Variants in PDLIM7 observed in about 807,000 individuals in gnomAD.
PDLIM7 encodes the protein PDZ and LIM domain 7.
PDLIM7 carries 37 observed loss-of-function variants against 53.9 expected under a neutral mutation model. The ratio of observed to expected loss-of-function variants is 0.69; its 90% CI spans 0.53 to 0.90. The LOEUF is 0.90. Ranked by LOEUF, PDLIM7 falls within the 40% of genes least tolerant of loss-of-function variation. The probability of loss-of-function intolerance (pLI) is 0.00; values close to 1 mark genes in which losing one functional copy is unlikely to be tolerated. For missense variants in PDLIM7, 617 were observed against 638.5 expected, an observed-to-expected ratio of 0.97 and a Z score of 0.36; for synonymous variants, 300 against 261.3, an observed-to-expected ratio of 1.15 and a Z score of -1.43.
intron 9 of PDLIM7, among the ~76,000 whole-genome samples, chr5:177,488,542 C>A (rs1417962778): frequency 2.6e-5 from 4 of 152,220 alleles, no homozygotes; most frequent in African/African-American, 9.6e-5. Flanking sequence ...CGCCCCTGGG[C>A]AAACCCTGGA....
At chr5:177,491,298 G>A in intron 5 of PDLIM7, 152 bp from the exon 6 acceptor site, 5 of 1,454,364 alleles carry the variant, frequency 3.4e-6, no homozygotes, top group East Asian at 2.4e-5. Context: ...GTAGGTGAGA[G>A]GACAGGAGGG....
chr5:177,492,391 G>A lies in PDLIM7; in HGVS notation c.279+14C>T, dbSNP rs200315441. On this transcript the variant is annotated intron_variant, in intron 4 of 12. Transcript: ENST00000355841. ...ACACCGCCCACCGCCCGGATGTCCC[G>A]GCCAGCCTCGTACCTTCTGCGGTTT... is the stretch of plus-strand genomic sequence containing the variant. The A allele has an allele frequency of 1.9e-4, 314 of 1,612,740 alleles. 1 individual carries two copies. The African/African-American group carries it at 2.5e-3, about 13-fold the overall frequency.
chr5:177,491,418 C>T (rs374363277), intron 5 of PDLIM7: 11 of 1,550,934 alleles, frequency 7.1e-6, no homozygotes, highest in Non-Finnish European at 8.7e-6. Flanking sequence ...CAGGGGTCTG[C>T]ACCTGTGAAG....
rs758392810 is a variant in PDLIM7 at position 177,491,869 on chromosome 5, G to C, written c.336C>G (p.Leu112=). 7.8e-7 allele frequency: 1 copy of C among 1,274,964 alleles called. No individual in the cohort carries two copies. Among genetic ancestry groups the C allele is most frequent in the Admixed American group, 4.2e-5 (1 of 23,962 alleles). 79.0% of individuals were successfully genotyped at this position (1,274,964 alleles called of 1,614,324 possible). The change falls in exon 5 of 13, where the codon CTC becomes CTG. Residue 112 remains leucine (L), a synonymous_variant. Transcript: ENST00000355841. ...PRYTFAPSVS[L]NKTARPFGAP... ...CCCCAAAGGGCCGGGCCGTCTTGTT[G>C]AGGGAGACGCTGGGTGCAAAGGTGT... is the stretch of plus-strand genomic sequence containing the variant.
At chr5:177,491,191 G>T in intron 5 of PDLIM7, 45 bp from the exon 6 acceptor site, 2 of 1,552,766 alleles carry the variant, frequency 1.3e-6, no homozygotes, top group Non-Finnish European at 1.8e-6. Flanking sequence ...GGGGTGGGCG[G>T]TGGGGGCAGC....
intron 2 of PDLIM7, among the ~76,000 whole-genome samples, chr5:177,495,593 C>T (rs971063330): frequency 2.0e-5 from 3 of 152,240 alleles, no homozygotes; most frequent in African/African-American, 4.8e-5. Context: ...CTGAGAGGCC[C>T]ACCAGTGGGG....
chr5:177,485,963 G>A (rs974696290), intron 10 of PDLIM7, among the ~76,000 whole-genome samples: 2 of 152,160 alleles, frequency 1.3e-5, no homozygotes, highest in African/African-American at 2.4e-5. Context: ...TCCAGCCTGG[G>A]CAACAGAGCA....
At chr5:177,487,099 A>ATT (rs774827559) in intron 10 of PDLIM7, among the ~76,000 whole-genome samples, 1 of 151,236 alleles carries the variant, frequency 6.6e-6, no homozygotes, top group African/African-American at 2.4e-5. Context: ...CACCCAGCTA[A>ATT]TTTTTTTATT....
chr5:177,490,609 AGAGG>A, intron 7 of PDLIM7: 2 of 1,436,150 alleles, frequency 1.4e-6, no homozygotes, highest in Non-Finnish European at 1.9e-6. Flanking sequence ...GGGCAGAGAG[AGAGG>A]GAGGAAGAAG....
rs1234546444 is a variant in PDLIM7, at chr5:177,483,480, T to G, written c.*164A>C. Reference sequence around the variant, plus strand: ...CGGTGTGCTGTGGTGGTGGAGGGAGTGGGGTGGGAGGATAAGGTGGGTGGG... The same window carrying G: ...CGGTGTGCTGTGGTGGTGGAGGGAGGGGGGTGGGAGGATAAGGTGGGTGGG... On this transcript the variant is annotated 3_prime_UTR_variant, in exon 13 of 13. Transcript: ENST00000355841. 85 of 494,420 alleles carry G rather than the reference T, an allele frequency of 1.7e-4. No individual in the cohort carries two copies. The highest frequency in any genetic ancestry group is 6.5e-4 in the African/African-American group (21 of 32,164). The allele number at this position is 494,420 out of a possible 1,614,324, so 30.6% of individuals were successfully genotyped here. A position where few individuals can be genotyped will look rare whatever the true frequency, so the allele number is the denominator to read the frequency against.
chr5:177,487,374 T>C (rs1561700147), intron 10 of PDLIM7, among the ~76,000 whole-genome samples: 1 of 152,150 alleles, frequency 6.6e-6, no homozygotes, highest in Non-Finnish European at 1.5e-5. Flanking sequence ...AAAGCAGAGG[T>C]TCAGGTGGCA....
At chr5:177,492,272 C>T (rs1581761835) in intron 4 of PDLIM7, 133 bp downstream of exon 4, 2 of 1,183,900 alleles carry the variant, frequency 1.7e-6, no homozygotes, top group African/African-American at 1.5e-5. Context: ...GCCCTAGACC[C>T]GCCTTAGCTC....
At position 177,483,745 on chromosome 5, in the gene PDLIM7, G is replaced by A; in HGVS notation, c.1288-15C>T. On this transcript the variant is annotated splice_polypyrimidine_tract_variant and intron_variant, in intron 12 of 12. Transcript: ENST00000355841. The stretch of plus-strand genomic sequence containing the variant: ...ATCTGACATATCTAAGGACAGCAAA[G>A]GCCCAGTCACATGGGGTTGGGGGCA... 1.2e-6 allele frequency: 2 copies of A among 1,606,282 alleles called. No homozygotes were observed. The highest frequency in any genetic ancestry group is 1.1e-5 in the South Asian group (1 of 90,946).
At chr5:177,496,383 G>T in intron 2 of PDLIM7, 34 bp downstream of exon 2, 1 of 1,487,400 alleles carries the variant, frequency 6.7e-7, no homozygotes. Flanking sequence ...CCGAAAGACC[G>T]CTGGGGGAGC....
chr5:177,490,142 C>T lies in PDLIM7; in HGVS notation c.573-310G>A, dbSNP rs766831093. 1.5e-4 allele frequency: 221 copies of T among 1,485,912 alleles called. 8 individuals carry two copies. The South Asian group carries it at 2.6e-3, about 18-fold the overall frequency. 92.0% of individuals were successfully genotyped at this position (1,485,912 alleles called of 1,614,324 possible). On this transcript the variant is annotated intron_variant, in intron 7 of 12. Transcript: ENST00000355841. ...GGCCCCTTTGCCAGGTACCCCCTCCCACTGAAAACGAGGACGGCAGGGCCC... is the reference window on the plus strand; with the variant it reads ...GGCCCCTTTGCCAGGTACCCCCTCCTACTGAAAACGAGGACGGCAGGGCCC...
chr5:177,492,410 G>C lies in PDLIM7; in HGVS notation c.274C>G (p.Gln92Glu), dbSNP rs775264924. 3.6e-5 allele frequency: 58 copies of C among 1,613,440 alleles called. No homozygotes were observed. Among genetic ancestry groups the C allele is most frequent in the Non-Finnish European group, 4.8e-5 (57 of 1,179,756 alleles). ...SRAQPVQSKP[Q>E]KASAPAADPP... ...TGTCCCGGCCAGCCTCGTACCTTCTGCGGTTTGCTCTGAACCGGCTGGGCC... is the reference window on the plus strand; with the variant it reads ...TGTCCCGGCCAGCCTCGTACCTTCTCCGGTTTGCTCTGAACCGGCTGGGCC... Residue 92 changes from glutamine (Q) to glutamate (E), a missense_variant, in exon 4 of 13, where the codon CAG becomes GAG. Coordinates refer to ENST00000355841, the MANE Select transcript of PDLIM7 (RefSeq NM_005451.5).
At chr5:177,493,439 A>G (rs1416704530) in intron 2 of PDLIM7, among the ~76,000 whole-genome samples, 1 of 152,196 alleles carries the variant, frequency 6.6e-6, no homozygotes, top group African/African-American at 2.4e-5. Flanking sequence ...GCTGGGAGAA[A>G]TGGCTGCCAC....
intron 10 of PDLIM7, among the ~76,000 whole-genome samples, chr5:177,485,513 C>G (rs890981295): frequency 6.6e-6 from 1 of 152,206 alleles, no homozygotes; most frequent in South Asian, 2.1e-4. Flanking sequence ...GGAAGCTAAT[C>G]CCAGCCTTGT....
chr5:177,492,907 C>A, intron 2 of PDLIM7: 1 of 559,438 alleles, frequency 1.8e-6, no homozygotes, highest in South Asian at 2.2e-5. Context: ...CACTGCCAGA[C>A]CCTCTCCCTC....
Sources: allele counts gnomAD v4.1 joint callset (sites outside exome capture counted in the v4.1 genomes callset), GRCh38; gene constraint gnomAD v4.1.1; transcripts MANE v1.5; gene names NCBI Gene and HGNC (gene_info 2026-07-23, HGNC 2026-07-21).